AGAP1: variants seen among roughly 807,000 people sequenced by gnomAD.
The protein encoded by AGAP1 is arf-GAP with GTPase, ANK repeat and PH domain-containing protein 1.
In AGAP1, 29 loss-of-function variants were observed where a neutral mutation model predicts 105.3. The observed-to-expected ratio is 0.28, with a 90% CI of 0.21 to 0.38. The LOEUF (loss-of-function observed/expected upper bound fraction) is 0.38, where lower values mean the gene tolerates loss of function less well. Ranked by LOEUF, AGAP1 falls within the 10% of genes least tolerant of loss-of-function variation. The pLI is 1.00. For synonymous variants in AGAP1, 509 were observed against 485.9 expected, an observed-to-expected ratio of 1.05 and a Z score of -0.63; for missense variants, 998 against 1,165.1, an observed-to-expected ratio of 0.86 and a Z score of 2.09.
rs2055110542 is a variant in AGAP1 at position 235,981,816 on chromosome 2, C to T, written c.1645+13193C>T. On this transcript the variant is annotated intron_variant, in intron 13 of 17. Coordinates refer to ENST00000304032, the MANE Select transcript of AGAP1 (RefSeq NM_001037131.3). The surrounding 1 kb of genome is among the most constrained non-coding windows in gnomAD (Gnocchi z 5.5). ...GCAGCGATAGGGCCACCGATCCAGG[C>T]GAGGGCAGCAGTGCTCGCCGCCTCT... Among the ~76,000 whole-genome samples, 3 of 152,150 alleles carry T rather than the reference C, an allele frequency of 2.0e-5. No individual in the cohort carries two copies. The highest frequency in any genetic ancestry group is 4.4e-5 in the Non-Finnish European group (3 of 68,022).
At chr2:235,513,091 G>A (rs543615745) in intron 1 of AGAP1, among the ~76,000 whole-genome samples, 1 of 152,204 alleles carries the variant, frequency 6.6e-6, no homozygotes, top group African/African-American at 2.4e-5. Context: ...GCCCCTTTGT[G>A]TTTTCTAGTT....
chr2:235,526,685 T>C (rs537449624), intron 1 of AGAP1, among the ~76,000 whole-genome samples: 2 of 152,116 alleles, frequency 1.3e-5, no homozygotes, highest in South Asian at 2.1e-4. Context: ...TGTGTATTAA[T>C]ATCAAAGGGA....
Position 235,621,049 on chromosome 2 carries a change from C to A in AGAP1, c.164-88130C>A, listed in dbSNP as rs955118775. ...TTTTTCCTTTTTTTGGAGACCCAGT[C>A]TCGCTCTTGTCTCCCAGGCTGGAGT... On this transcript the variant is annotated intron_variant, in intron 1 of 17. Coordinates refer to ENST00000304032, the MANE Select transcript of AGAP1 (RefSeq NM_001037131.3). This position sits in a 1 kb window ranked among gnomAD's most constrained non-coding sequence, Gnocchi z 4.1. 6.6e-6 allele frequency among the ~76,000 whole-genome samples: 1 copy of A among 152,084 alleles called. No individual in the cohort carries two copies. Among genetic ancestry groups the A allele is most frequent in the African/African-American group, 2.4e-5 (1 of 41,392 alleles).
At chr2:235,917,664 C>T (rs761273042) in intron 11 of AGAP1, among the ~76,000 whole-genome samples, 2 of 152,136 alleles carry the variant, frequency 1.3e-5, no homozygotes, top group Non-Finnish European at 2.9e-5. Flanking sequence ...GGCAATGAGG[C>T]ACCGGCGGCT....
intron 1 of AGAP1, among the ~76,000 whole-genome samples, chr2:235,527,934 C>A (rs574053387): frequency 1.3e-5 from 2 of 152,286 alleles, no homozygotes; most frequent in South Asian, 4.1e-4. Flanking sequence ...GCATCTTCAC[C>A]AAATTCTGTC....
chr2:235,726,561 A>T (rs1167432848), intron 3 of AGAP1, among the ~76,000 whole-genome samples: 1 of 152,074 alleles, frequency 6.6e-6, no homozygotes, highest in African/African-American at 2.4e-5. Context: ...ACCATCACAC[A>T]CTTTCACCTG....
chr2:235,670,355 C>T (rs145565800), intron 1 of AGAP1: 4 of 523,426 alleles, frequency 7.6e-6, no homozygotes, highest in Admixed American at 3.1e-5. Flanking sequence ...GGAGGGTCCC[C>T]GGCCGCGCGC....
intron 1 of AGAP1, among the ~76,000 whole-genome samples, chr2:235,653,517 AAC>A (rs1947677610): frequency 6.6e-6 from 1 of 151,944 alleles, no homozygotes; most frequent in Non-Finnish European, 1.5e-5. Flanking sequence ...AACATAACAT[AAC>A]ATAACATAAA....
intron 14 of AGAP1, among the ~76,000 whole-genome samples, chr2:236,039,569 G>A (rs905991949): frequency 2.0e-5 from 3 of 152,170 alleles, no homozygotes; most frequent in Non-Finnish European, 4.4e-5. Context: ...TTACAGCATC[G>A]TTTATGATAG....
At chr2:235,531,485 G>A (rs929473096) in intron 1 of AGAP1, among the ~76,000 whole-genome samples, 8 of 152,110 alleles carry the variant, frequency 5.3e-5, no homozygotes, top group African/African-American at 1.7e-4. Flanking sequence ...TGAGTGACCC[G>A]CTCCCATGTC....
chr2:235,783,501 A>G (rs890171038), intron 6 of AGAP1: 4 of 385,026 alleles, frequency 1.0e-5, no homozygotes, highest in African/African-American at 4.3e-5. Flanking sequence ...CTGTGGAGAG[A>G]AAAAGACCTT....
At chr2:235,940,461 T>C (rs1286323001) in intron 12 of AGAP1, among the ~76,000 whole-genome samples, 1 of 152,198 alleles carries the variant, frequency 6.6e-6, no homozygotes, top group Non-Finnish European at 1.5e-5. Flanking sequence ...ACCCCTGTTT[T>C]TTGACCGCCT....
chr2:235,776,865 G>A (rs887605808), intron 6 of AGAP1: 2 of 468,148 alleles, frequency 4.3e-6, no homozygotes, highest in African/African-American at 2.0e-5. Flanking sequence ...AAATCTCGAG[G>A]CTCTCCTAGC....
intron 6 of AGAP1, among the ~76,000 whole-genome samples, chr2:235,762,650 C>T (rs2696401): frequency 0.24 from 35,724 of 151,880 alleles, 4,849 homozygotes; most frequent in Admixed American, 0.39. Context: ...GGTGGATCCC[C>T]TGAGGTCAGG....
At chr2:235,694,585 T>G (rs1575149875) in intron 1 of AGAP1, among the ~76,000 whole-genome samples, 1 of 149,062 alleles carries the variant, frequency 6.7e-6, no homozygotes, top group Non-Finnish European at 1.5e-5. Flanking sequence ...GAGGTGGAGG[T>G]TGCAGTCAGC....
At chr2:235,624,117 A>G (rs1946566209) in intron 1 of AGAP1, among the ~76,000 whole-genome samples, 1 of 152,252 alleles carries the variant, frequency 6.6e-6, no homozygotes, top group South Asian at 2.1e-4. Context: ...ACTTCTCACC[A>G]TTAAATGTAC....
chr2:235,536,714 T>C (rs548892391), intron 1 of AGAP1, among the ~76,000 whole-genome samples: 1 of 150,244 alleles, frequency 6.7e-6, no homozygotes, highest in East Asian at 2.0e-4. Context: ...CCTGAAAACA[T>C]GAGGTCTGCG....
rs375383253 is a variant in AGAP1 at position 235,507,766 on chromosome 2, G to A, written c.163+12917G>A. Among the ~76,000 whole-genome samples, 49 of 152,226 alleles carry A rather than the reference G, an allele frequency of 3.2e-4. No individual in the cohort carries two copies. In the East Asian group the frequency reaches 4.1e-3, roughly 13 times the overall value. ...GGTGGCAGAGTCAGGATTCGAACTC[G>A]GGACCCGTGGACACCAGCCACCTAT... On this transcript the variant is annotated intron_variant, in intron 1 of 17. Coordinates refer to ENST00000304032, the MANE Select transcript of AGAP1 (RefSeq NM_001037131.3).
chr2:235,927,867 T>A lies in AGAP1; in HGVS notation c.1325-2898T>A, dbSNP rs1007404594. Among the ~76,000 whole-genome samples the A allele has an allele frequency of 3.9e-5, 6 of 152,192 alleles. No individual in the cohort carries two copies. Among genetic ancestry groups the A allele is most frequent in the Non-Finnish European group, 7.3e-5 (5 of 68,030 alleles). ...GGAGGGACAGACAGACACAGTGAAA[T>A]TCCTTTTTGTTTTTCAGGTATTTGG... On this transcript the variant is annotated intron_variant, in intron 11 of 17. Transcript: ENST00000304032. The surrounding 1 kb of genome is among the most constrained non-coding windows in gnomAD (Gnocchi z 4.4).
Sources: gnomAD v4.1 joint callset for allele counts (sites outside exome capture counted in the v4.1 genomes callset) on GRCh38, gnomAD v4.1.1 for gene constraint, Gnocchi (gnomAD v3.1) non-coding constraint, MANE v1.5 for transcripts, NCBI Gene and HGNC (gene_info 2026-07-23, HGNC 2026-07-21) for gene names.